The following PHF8 variants were observed in gnomAD, a reference collection of about 807,000 sequenced individuals.
PHF8 encodes the protein PHD finger protein 8, also known as histone lysine demethylase PHF8.
A neutral mutation model predicts 74.4 loss-of-function variants in PHF8; 9 were observed. The ratio of observed to expected loss-of-function variants is 0.12; its 90% CI spans 0.07 to 0.21. The LOEUF (loss-of-function observed/expected upper bound fraction) is 0.21, where lower values mean the gene tolerates loss of function less well. PHF8 is among the 10% of genes least tolerant of loss of function. The pLI is 1.00. For synonymous variants in PHF8, 311 were observed against 316.6 expected (o/e 0.98, Z 0.19); for missense variants, 478 against 816.6 (o/e 0.59, Z 5.05).
At chrX:54,040,461 T>G (rs1557115553) in intron 2 of PHF8, among the ~76,000 whole-genome samples, 4 of 112,169 alleles carry the variant, frequency 3.6e-5, no homozygotes, top group Non-Finnish European at 7.5e-5. Context: ...GACACAGATA[T>G]ATTTATAACT....
intron 2 of PHF8, among the ~76,000 whole-genome samples, chrX:54,031,696 C>T (rs2066360334): frequency 9.0e-6 from 1 of 110,752 alleles, no homozygotes; most frequent in Admixed American, 9.7e-5. Flanking sequence ...TTCTTGAGTT[C>T]CTTCTTCCAC....
At chrX:53,964,046 T>G (rs2065142547) in intron 18 of PHF8, among the ~76,000 whole-genome samples, 1 of 112,043 alleles carries the variant, frequency 8.9e-6, no homozygotes, top group South Asian at 3.7e-4. Context: ...CATGGAATAC[T>G]TTGCAGCCAT....
chrX:54,021,472 T>A (rs981748833), intron 4 of PHF8, among the ~76,000 whole-genome samples: 14 of 81,536 alleles, frequency 1.7e-4, no homozygotes, highest in African/African-American at 6.2e-4. Flanking sequence ...TTTTTTTTTT[T>A]TTTTTTTTTT....
At position 53,987,951 on chromosome X, in the gene PHF8, G is replaced by A. The variant is rs782441935; in HGVS notation, c.1731-7C>T. Reference sequence around the variant, plus strand: ...ACTCTTCACCCTTTTCGTACTGAAGGGAAGGAGAACATAAAAACAGTCACT... The same window carrying A: ...ACTCTTCACCCTTTTCGTACTGAAGAGAAGGAGAACATAAAAACAGTCACT... On this transcript the variant is annotated splice_polypyrimidine_tract_variant and splice_region_variant and intron_variant, in intron 14 of 21. Coordinates refer to ENST00000338154, the MANE Select transcript of PHF8 (RefSeq NM_015107.3). The A allele has an allele frequency of 1.7e-6, 2 of 1,192,931 alleles. No homozygotes were observed. The highest frequency in any genetic ancestry group is 5.9e-5 in the East Asian group (2 of 33,781).
At chrX:54,034,823 C>CAAAAA (rs1235099588) in intron 2 of PHF8, among the ~76,000 whole-genome samples, 2 of 17,610 alleles carry the variant, frequency 1.1e-4, no homozygotes, top group South Asian at 3.8e-3. Context: ...GACTTCGTCT[C>CAAAAA]AAAAAAAAAA....
At chrX:53,947,202 G>C (rs781972505) in intron 19 of PHF8, among the ~76,000 whole-genome samples, 106 of 111,034 alleles carry the variant, frequency 9.5e-4, no homozygotes, top group African/African-American at 3.3e-3. Flanking sequence ...AGTAGAGACG[G>C]GGTTTCACCA....
intron 19 of PHF8, among the ~76,000 whole-genome samples, chrX:53,956,486 C>G (rs969765884): frequency 1.7e-4 from 19 of 110,931 alleles, no homozygotes; most frequent in African/African-American, 6.2e-4. Flanking sequence ...CTGCTCAGTA[C>G]CATATATTAA....
rs782108278 is a variant in PHF8 at position 53,992,835 on chromosome X, T to C, written c.1631A>G (p.Asn544Ser). Residue 544 changes from asparagine (N) to serine (S), a missense_variant, in exon 14 of 22, where the codon AAC becomes AGC. By Grantham distance (46) the Asn-to-Ser change is conservative. Transcript: ENST00000338154. ...GTCATTCAAGCAGGCACCAGTGATG[T>C]TGAACTGTAGAAGTAGGAGACTCAG... ...KTGSFQKAKFNITGACLNDSD... is the reference protein window; with the variant it reads ...KTGSFQKAKFSITGACLNDSD... 8 of 1,169,213 alleles carry C rather than the reference T, an allele frequency of 6.8e-6. No homozygotes were observed. The highest frequency in any genetic ancestry group is 9.3e-6 in the Non-Finnish European group (8 of 859,791).
intron 19 of PHF8, among the ~76,000 whole-genome samples, chrX:53,955,557 CTTTTTTTTTTTT>C (rs369969712): frequency 3.6e-4 from 26 of 72,988 alleles, no homozygotes; most frequent in African/African-American, 1.1e-3. Flanking sequence ...CTCTTCTTTT[CTTTTTTTTTTTT>C]TTTTTTTTAA....
At chrX:54,006,603 A>G (rs1235671009) in intron 8 of PHF8, among the ~76,000 whole-genome samples, 1 of 112,162 alleles carries the variant, frequency 8.9e-6, no homozygotes, top group Non-Finnish European at 1.9e-5. Flanking sequence ...AATAACTAGA[A>G]AACCTATATG....
At chrX:53,990,886 C>T (rs1557101176) in intron 14 of PHF8, among the ~76,000 whole-genome samples, 1 of 111,735 alleles carries the variant, frequency 8.9e-6, no homozygotes, top group African/African-American at 3.3e-5. Context: ...TCTGGTCATA[C>T]CCACATCATT....
At chrX:53,945,057 T>A (rs1309944733) in intron 19 of PHF8, among the ~76,000 whole-genome samples, 1 of 106,448 alleles carries the variant, frequency 9.4e-6, no homozygotes, top group Non-Finnish European at 1.9e-5. Context: ...AAAATAATAA[T>A]AAAAATTGGC....
chrX:54,046,060 C>T (rs1557117440), upstream of PHF8, among the ~76,000 whole-genome samples: 1 of 110,520 alleles, frequency 9.0e-6, no homozygotes, highest in Admixed American at 9.7e-5. Context: ...GCGGTCCTTC[C>T]GCCAGAGCCT....
At chrX:53,989,517 A>C (rs986816624) in intron 14 of PHF8, among the ~76,000 whole-genome samples, 24 of 110,685 alleles carry the variant, frequency 2.2e-4, no homozygotes, top group Admixed American at 1.9e-3. Flanking sequence ...AAGAAAAAAA[A>C]AACAACAAAC....
At chrX:53,943,690 TGAAGA>T (rs2064787260) in intron 20 of PHF8, among the ~76,000 whole-genome samples, 1 of 111,439 alleles carries the variant, frequency 9.0e-6, no homozygotes, top group African/African-American at 3.3e-5. Flanking sequence ...AATTTGTGGG[TGAAGA>T]TTAAGATAAT....
At chrX:53,972,597 C>T (rs781867548) in intron 18 of PHF8, among the ~76,000 whole-genome samples, 3 of 111,391 alleles carry the variant, frequency 2.7e-5, no homozygotes, top group African/African-American at 9.8e-5. Context: ...AATTCAACAT[C>T]CCTTCATGTT....
intron 7 of PHF8, 39 bp downstream of exon 7, chrX:54,014,338 C>T (rs1569528567): frequency 2.0e-6 from 2 of 1,008,112 alleles, no homozygotes; most frequent in South Asian, 1.9e-5. Flanking sequence ...CAGGGAGGCC[C>T]AAGGCCTGGC....
At chrX:53,957,999 T>TA (rs782644553) in intron 19 of PHF8, among the ~76,000 whole-genome samples, 7 of 111,059 alleles carry the variant, frequency 6.3e-5, no homozygotes, top group Non-Finnish European at 1.1e-4. Context: ...TGTAAATTGG[T>TA]ACAACTTTTC....
At chrX:54,039,042 G>C (rs1445235463) in intron 2 of PHF8, among the ~76,000 whole-genome samples, 1 of 107,502 alleles carries the variant, frequency 9.3e-6, no homozygotes, top group Non-Finnish European at 1.9e-5. Context: ...GCTGAGGCAG[G>C]AGAATCACTT....
Sources: allele counts gnomAD v4.1 joint callset (sites outside exome capture counted in the v4.1 genomes callset), GRCh38; gene constraint gnomAD v4.1.1; transcripts MANE v1.5; gene names NCBI Gene and HGNC (gene_info 2026-07-23, HGNC 2026-07-21).